Variants in MATN1 observed in about 807,000 individuals in gnomAD.
MATN1 encodes the protein matrilin 1, also known as matrilin-1.
A neutral mutation model predicts 41.3 loss-of-function variants in MATN1; 34 were observed. That is an observed-to-expected ratio of 0.82 (90% CI 0.63 to 1.10). The LOEUF (loss-of-function observed/expected upper bound fraction) is 1.10. MATN1 is among the 50% of genes least tolerant of loss of function. The pLI is 0.00. For missense variants in MATN1, 602 were observed against 662.4 expected (o/e 0.91, Z 1.00); for synonymous variants, 264 against 278.7 (o/e 0.95, Z 0.53).
intron 2 of MATN1, chr1:30,721,017 G>A (rs979525638): frequency 5.2e-5 from 10 of 192,796 alleles, no homozygotes; most frequent in Non-Finnish European, 6.4e-5. Context: ...TCACTTGCTC[G>A]GGGTGGCACA....
At position 30,711,871 on chromosome 1, in the gene MATN1, T is replaced by C. The variant is rs1331699653; in HGVS notation, c.*1711A>G. ...AGTCATAACTTCTCAGGTGGCTGTG[T>C]CAAGGAGCCTCCTTGGACAGCAGAA... On this transcript the variant is annotated 3_prime_UTR_variant, in exon 8 of 8. Coordinates refer to ENST00000373765, the MANE Select transcript of MATN1 (RefSeq NM_002379.3). 6.6e-6 allele frequency: 1 copy of C among 152,344 alleles called. No homozygotes were observed. The highest frequency in any genetic ancestry group is 1.5e-5 in the Non-Finnish European group (1 of 68,090). The allele number at this position is 152,344 out of a possible 1,614,324, so 9.4% of individuals were successfully genotyped here. A position where few individuals can be genotyped will look rare whatever the true frequency, so the allele number is the denominator to read the frequency against.
chr1:30,717,822 T>C (rs950012910), intron 3 of MATN1, among the ~76,000 whole-genome samples: 2 of 152,004 alleles, frequency 1.3e-5, no homozygotes, highest in Non-Finnish European at 2.9e-5. Context: ...GCCCGGCTAA[T>C]TTTTTGTATT....
chr1:30,718,023 A>G (rs945681100), intron 3 of MATN1, among the ~76,000 whole-genome samples: 1 of 152,158 alleles, frequency 6.6e-6, no homozygotes, highest in Non-Finnish European at 1.5e-5. Flanking sequence ...CTCCGTTATC[A>G]GGCTCCGCCC....
chr1:30,718,838 C>T lies in MATN1; in HGVS notation c.561G>A (p.Thr187=). Residue 187 remains threonine, a synonymous_variant, in exon 3 of 8, where the codon ACG becomes ACA. Transcript: ENST00000373765. ...AIGVGSVDKA[T]LRQIASEPQD... is the part of the protein sequence containing the mutation. ...GCGGCTCGCTGGCGATCTGCCGCAG[C>T]GTGGCCTTGTCCACGCTGCCCACTC... The T allele has an allele frequency of 6.2e-7, 1 of 1,609,338 alleles. No homozygotes were observed. The highest frequency in any genetic ancestry group is 8.5e-7 in the Non-Finnish European group (1 of 1,178,916).
chr1:30,721,221 C>T (rs2124160180), intron 2 of MATN1, 184 bp downstream of exon 2: 1 of 625,438 alleles, frequency 1.6e-6, no homozygotes, highest in East Asian at 2.8e-5. Context: ...CTTCAAATCC[C>T]AGCTCTGTCA....
intron 7 of MATN1, chr1:30,713,856 T>C: frequency 1.7e-6 from 1 of 596,946 alleles, no homozygotes; most frequent in East Asian, 2.8e-5. Flanking sequence ...ACCTGCTGGG[T>C]TCCCCACCTA....
At chr1:30,717,247 A>T (rs1001262870) in intron 3 of MATN1, among the ~76,000 whole-genome samples, 13 of 152,356 alleles carry the variant, frequency 8.5e-5, no homozygotes, top group African/African-American at 3.1e-4. Context: ...TGAACACAGC[A>T]CCTATCTGTC....
intron 1 of MATN1, 78 bp downstream of exon 1, chr1:30,723,380 A>G (rs1639719816): frequency 8.9e-7 from 1 of 1,126,296 alleles, no homozygotes; most frequent in Non-Finnish European, 1.2e-6. Flanking sequence ...GCTCCCTGCC[A>G]TATCGGTACC....
Position 30,716,087 on chromosome 1 carries a change from C to G in MATN1, c.1029G>C (p.Arg343=). 6.2e-7 allele frequency: 1 copy of G among 1,614,234 alleles called. No homozygotes were observed. Among genetic ancestry groups the G allele is most frequent in the Non-Finnish European group, 8.5e-7 (1 of 1,180,042 alleles). Residue 343 remains arginine (R), a synonymous_variant, in exon 5 of 8, where the codon CGG becomes CGC. Transcript: ENST00000373765. ...HTKKDIKAAV[R]NMSYMEKGTM... Reference sequence around the variant, plus strand: ...TGCCCTTCTCCATGTAGGACATATTCCGCACAGCCGCCTTGATGTCCTTCT... The same window carrying G: ...TGCCCTTCTCCATGTAGGACATATTGCGCACAGCCGCCTTGATGTCCTTCT...
rs1639581562 is a variant in MATN1, at chr1:30,713,618, A to C, written c.1455T>G (p.Ser485Arg). ...TGTTCTCCAGGATGGCCAGCCGCTT[A>C]CTCACAGCTTCCAGTGGACTCAGAG... Reference protein sequence around the residue: ...QALTRKLEAVSKRLAILENTV... With the variant: ...QALTRKLEAVRKRLAILENTV... The change falls in exon 8 of 8, where the codon AGT (serine) becomes AGG (arginine). Residue 485 changes from serine to arginine, a missense_variant. Ser to Arg is a moderately radical substitution (Grantham distance 110). Transcript: ENST00000373765. 8 of 1,553,602 alleles carry C rather than the reference A, an allele frequency of 5.1e-6. 1 individual carries two copies. The South Asian group carries it at 9.5e-5, about 18-fold the overall frequency.
chr1:30,718,737 C>T lies in MATN1; in HGVS notation c.662G>A (p.Cys221Tyr), dbSNP rs758690227. ...KLSRKFQEAFCVVSDLCATGD... is the reference protein window; with the variant it reads ...KLSRKFQEAFYVVSDLCATGD... ...TCCGCCCCCGCCTGCCCGCGCACCGCAGAAGGCCTCCTGGAACTTCCTGGA... is the reference window on the plus strand; with the variant it reads ...TCCGCCCCCGCCTGCCCGCGCACCGTAGAAGGCCTCCTGGAACTTCCTGGA... Residue 221 changes from cysteine to tyrosine, a missense_variant and splice_region_variant, in exon 3 of 8, where the codon TGC (cysteine) becomes TAC (tyrosine). Physicochemically the swap from Cys to Tyr is radical, Grantham distance 194. Transcript: ENST00000373765. The T allele has an allele frequency of 8.9e-6, 14 of 1,581,106 alleles. No individual in the cohort carries two copies. The highest frequency in any genetic ancestry group is 1.4e-5 in the African/African-American group (1 of 73,194).
At position 30,721,510 on chromosome 1, in the gene MATN1, C is replaced by G; in HGVS notation, c.336G>C (p.Gln112His). The G allele has an allele frequency of 6.2e-7, 1 of 1,613,310 alleles. No homozygotes were observed. Among genetic ancestry groups the G allele is most frequent in the Non-Finnish European group, 8.5e-7 (1 of 1,180,034 alleles). ...AALLQAVRRI[Q>H]PLSTGTMTGL... ...CGGTCATGGTGCCTGTGGACAGCGG[C>G]TGGATACGGCGCACAGCCTGCAGCA... is the stretch of plus-strand genomic sequence containing the variant. The change falls in exon 2 of 8, where the codon CAG (glutamine) becomes CAC (histidine). Residue 112 changes from glutamine (Q) to histidine (H), a missense_variant. Transcript: ENST00000373765.
rs1380749536 is a variant in MATN1 at position 30,715,175 on chromosome 1, G to A, written c.1342C>T (p.Gln448Ter). ...CACTCACCCACACAGATCTTCTTCTGCAACTTCTTGCCTATCTGGTTGATG... is the reference window on the plus strand; with the variant it reads ...CACTCACCCACACAGATCTTCTTCTACAACTTCTTGCCTATCTGGTTGATG... ...KTINQIGKKL[Q>*]KKICVEEDPC... The change falls in exon 6 of 8, where the codon CAG (glutamine) becomes TAG (stop). Residue 448 changes from glutamine (Q) to a stop codon, truncating the protein, a stop_gained. Transcript: ENST00000373765. LOFTEE classifies it high-confidence loss of function. 2 of 1,614,166 alleles carry A rather than the reference G, an allele frequency of 1.2e-6. No individual in the cohort carries two copies. The highest frequency in any genetic ancestry group is 1.3e-5 in the African/African-American group (1 of 75,050).
rs1639601528 is a variant in MATN1 at position 30,715,295 on chromosome 1, CA to C, written c.1221del (p.Phe407LeufsTer13). 1 of 1,614,078 alleles carries C rather than the reference CA, an allele frequency of 6.2e-7. No individual in the cohort carries two copies. The highest frequency in any genetic ancestry group is 1.3e-5 in the African/African-American group (1 of 74,942). On this transcript the variant is annotated frameshift_variant, in exon 6 of 8. Transcript: ENST00000373765. LOFTEE classifies it high-confidence loss of function. ...KKAKDLGFKM[F>X]AVGVGNAVED... is the part of the protein sequence containing the mutation. ...TCCACGGCATTGCCCACACCCACAGCAAACATCTTAAAGCCTGCCAGGAGGA... is the reference window on the plus strand; with the variant it reads ...TCCACGGCATTGCCCACACCCACAGCAACATCTTAAAGCCTGCCAGGAGGA...
chr1:30,717,627 T>C (rs1569830295), intron 3 of MATN1, among the ~76,000 whole-genome samples: 1 of 151,174 alleles, frequency 6.6e-6, no homozygotes, highest in African/African-American at 2.4e-5. Context: ...GGCTCTGTTG[T>C]TTTTTGTGTG....
Position 30,716,137 on chromosome 1 carries a change from A to T in MATN1, c.979T>A (p.Phe327Ile), listed in dbSNP as rs776855583. ...VQYSSSVRQE[F>I]PLGRFHTKKD... The stretch of plus-strand genomic sequence containing the variant: ...TTGGTGTGGAAGCGACCCAGGGGGA[A>T]CTCCTGGCGCACAGAGCTTGAGTAC... Residue 327 changes from phenylalanine (F) to isoleucine (I), a missense_variant, in exon 5 of 8, where the codon TTC becomes ATC. Transcript: ENST00000373765. 6.2e-7 allele frequency: 1 copy of T among 1,614,094 alleles called. No individual in the cohort carries two copies. The highest frequency in any genetic ancestry group is 1.7e-5 in the Admixed American group (1 of 60,016).
rs766914648 is a variant in MATN1 at position 30,715,281 on chromosome 1, G to A, written c.1236C>T (p.Gly412=). Residue 412 remains glycine, a synonymous_variant, in exon 6 of 8, where the codon GGC becomes GGT. Transcript: ENST00000373765. ...CCCTCAGCTCATCCTCCACGGCATT[G>A]CCCACACCCACAGCAAACATCTTAA... The part of the protein sequence containing the change: ...LGFKMFAVGV[G]NAVEDELREI... 11 of 1,614,172 alleles carry A rather than the reference G, an allele frequency of 6.8e-6. No individual in the cohort carries two copies. The Admixed American group carries it at 1.2e-4, about 17-fold the overall frequency.
intron 1 of MATN1, among the ~76,000 whole-genome samples, chr1:30,722,925 T>C (rs1639714865): frequency 6.6e-6 from 1 of 152,182 alleles, no homozygotes; most frequent in South Asian, 2.1e-4. Context: ...AGTAGATCAA[T>C]AACCTAGAGG....
chr1:30,722,158 T>A (rs1639703307), intron 1 of MATN1, among the ~76,000 whole-genome samples: 1 of 152,224 alleles, frequency 6.6e-6, no homozygotes, highest in South Asian at 2.1e-4. Context: ...AGCCCAGACT[T>A]GCTGCCAGAA....
Sources: gnomAD v4.1 joint callset for allele counts (sites outside exome capture counted in the v4.1 genomes callset) on GRCh38, gnomAD v4.1.1 for gene constraint, MANE v1.5 for transcripts, NCBI Gene and HGNC (gene_info 2026-07-23, HGNC 2026-07-21) for gene names.